The following DHX8 variants were observed in gnomAD, a reference collection of about 807,000 sequenced individuals.
The protein encoded by DHX8 is ATP-dependent RNA helicase DHX8.
DHX8 carries 67 observed loss-of-function variants against 140.7 expected under a neutral mutation model. The ratio of observed to expected loss-of-function variants is 0.48; its 90% CI spans 0.39 to 0.58. DHX8 has a LOEUF of 0.58. Among genes scored for constraint, DHX8 ranks in the 20% least tolerant of loss-of-function variants. The pLI is 0.00. For missense variants in DHX8, 887 were observed against 1,550.7 expected (o/e 0.57, Z 7.19); for synonymous variants, 533 against 553.2 (o/e 0.96, Z 0.51).
At chr17:43,528,065 G>T (rs143919906), downstream of DHX8, 2,241 of 235,188 alleles carry the variant, frequency 9.5e-3, 14 homozygotes, top group Middle Eastern at 0.027. Flanking sequence ...GACAAACCGG[G>T]ACCCTCCAGG....
At chr17:43,489,330 G>C (rs922334032) in intron 1 of DHX8, 119 bp from the exon 2 acceptor site, 1 of 684,100 alleles carries the variant, frequency 1.5e-6, no homozygotes. Flanking sequence ...ACCCTTACCA[G>C]ATGGTGGTCT....
chr17:43,516,691 T>C (rs1970130376), intron 17 of DHX8, among the ~76,000 whole-genome samples: 1 of 152,076 alleles, frequency 6.6e-6, no homozygotes, highest in African/African-American at 2.4e-5. Flanking sequence ...TCATGCAATC[T>C]GCCCACCTTG....
chr17:43,494,892 A>G (rs1486589851), intron 8 of DHX8, among the ~76,000 whole-genome samples: 1 of 146,960 alleles, frequency 6.8e-6, no homozygotes, highest in East Asian at 2.1e-4. Flanking sequence ...GCTCACTGCA[A>G]CCTCTGCCTC....
intron 11 of DHX8, 23 bp from the exon 12 acceptor site, chr17:43,504,621 A>C: frequency 6.3e-7 from 1 of 1,599,992 alleles, no homozygotes; most frequent in East Asian, 2.3e-5. Context: ...GGACAATACT[A>C]AGTTGCCTGT....
chr17:43,499,131 T>C (rs932682957), intron 10 of DHX8, among the ~76,000 whole-genome samples, 172 bp downstream of exon 10: 1 of 152,370 alleles, frequency 6.6e-6, no homozygotes, highest in East Asian at 1.9e-4. Flanking sequence ...GTTGGCTTTA[T>C]TGCTTTTGCC....
chr17:43,489,857 T>G (rs1453584091), intron 2 of DHX8, among the ~76,000 whole-genome samples: 1 of 152,240 alleles, frequency 6.6e-6, no homozygotes, highest in Non-Finnish European at 1.5e-5. Flanking sequence ...TCCAAAGTGC[T>G]GGGATTACAT....
At chr17:43,516,517 T>A (rs1216191357) in intron 17 of DHX8, among the ~76,000 whole-genome samples, 3 of 152,150 alleles carry the variant, frequency 2.0e-5, no homozygotes, top group Admixed American at 6.6e-5. Flanking sequence ...TGATTACGGC[T>A]TACTGCAGCC....
chr17:43,503,906 A>G (rs1410286547), intron 11 of DHX8, among the ~76,000 whole-genome samples: 1 of 151,918 alleles, frequency 6.6e-6, no homozygotes, highest in Non-Finnish European at 1.5e-5. Flanking sequence ...CACTGAGTTA[A>G]ACACTTAAAA....
chr17:43,499,193 G>C (rs1451766432), intron 10 of DHX8, among the ~76,000 whole-genome samples: 1 of 152,194 alleles, frequency 6.6e-6, no homozygotes, highest in Non-Finnish European at 1.5e-5. Flanking sequence ...AGCAGAGATA[G>C]ATAGGAATGC....
Position 43,520,755 on chromosome 17 carries a change from C to T in DHX8, c.2942C>T (p.Ala981Val). 6.2e-7 allele frequency: 1 copy of T among 1,614,012 alleles called. No homozygotes were observed. The highest frequency in any genetic ancestry group is 8.5e-7 in the Non-Finnish European group (1 of 1,179,966). ...GLLTRLGRRM[A>V]EFPLEPMLCK... is the part of the protein sequence containing the mutation. Reference sequence around the variant, plus strand: ...AGTCTTTTTTTGTCCCTCTAGATGGCAGAGTTCCCTCTGGAGCCAATGCTA... The same window carrying T: ...AGTCTTTTTTTGTCCCTCTAGATGGTAGAGTTCCCTCTGGAGCCAATGCTA... Residue 981 changes from alanine to valine, a missense_variant, in exon 20 of 23, where the codon GCA becomes GTA. Around this residue, in one of 9 missense-constraint regions of DHX8, gnomAD observed 151 missense variants for 388.3 expected, o/e 0.39. Transcript: ENST00000262415.
intron 10 of DHX8, 46 bp downstream of exon 10, chr17:43,499,005 T>C: frequency 6.9e-7 from 1 of 1,452,614 alleles, no homozygotes; most frequent in Non-Finnish European, 9.4e-7. Context: ...AGTGGACTTC[T>C]TTTTCTAAAG....
At chr17:43,526,922 T>A, downstream of DHX8, 1 of 256,626 alleles carries the variant, frequency 3.9e-6, no homozygotes, top group Non-Finnish European at 7.6e-6. Context: ...CAAGGGATGG[T>A]CTCAGGTTGG....
At chr17:43,531,089 T>C (rs886369947), downstream of DHX8, among the ~76,000 whole-genome samples, 1 of 152,176 alleles carries the variant, frequency 6.6e-6, no homozygotes, top group African/African-American at 2.4e-5. Context: ...GCTTATGCCC[T>C]GGATTTGAGG....
chr17:43,532,650 C>T (rs760544272), intron 2 of DHX8: 1 of 1,599,578 alleles, frequency 6.3e-7, no homozygotes, highest in Non-Finnish European at 8.5e-7. Context: ...TCACATGCCA[C>T]CCTGCCCCAC....
chr17:43,533,209 G>T lies in DHX8; in HGVS notation c.351-3203G>T, dbSNP rs35270564. 2,630 of 1,613,402 alleles carry T rather than the reference G, an allele frequency of 1.6e-3. 7 individuals are homozygous for T. The highest frequency in any genetic ancestry group is 2.0e-3 in the Non-Finnish European group (2,324 of 1,179,808). On this transcript the variant is annotated intron_variant, in intron 2 of 3. Coordinates refer to the DHX8 transcript ENST00000589898. ...TACCTATGTTCCCCGAGGTACCCAT[G>T]GCCAGGGTGGGGCTGGGAGGTGCCA...
At chr17:43,529,091 G>A (rs1203471936), downstream of DHX8, 1 of 1,582,758 alleles carries the variant, frequency 6.3e-7, no homozygotes. Context: ...GCTTCTCACA[G>A]CCACTGCCCC....
In DHX8 at chr17:43,505,093, A is replaced by G. The variant is rs1969414201; in HGVS notation, c.1728+268A>G. On this transcript the variant is annotated intron_variant, in intron 12 of 22. Coordinates refer to ENST00000262415, the MANE Select transcript of DHX8 (RefSeq NM_004941.3). Reference sequence around the variant, plus strand: ...GAGTTTGAAACCAGCCTGAGGCAACATAGGGAATCTTGTCTCTACAAAAAA... The same window carrying G: ...GAGTTTGAAACCAGCCTGAGGCAACGTAGGGAATCTTGTCTCTACAAAAAA... Among the ~76,000 whole-genome samples, 1 of 152,082 alleles carries G rather than the reference A, an allele frequency of 6.6e-6. No individual in the cohort carries two copies. Among genetic ancestry groups the G allele is most frequent in the Non-Finnish European group, 1.5e-5 (1 of 68,002 alleles).
At chr17:43,530,609 CGTGTGTGT>C (rs58803566), downstream of DHX8, among the ~76,000 whole-genome samples, 31,913 of 119,022 alleles carry the variant, frequency 0.27, 3,766 homozygotes, top group East Asian at 0.37. Context: ...TGCACGCGCG[CGTGTGTGT>C]GTGTGTGTGT....
intron 2 of DHX8, chr17:43,533,760 A>G (rs2154587123): frequency 6.8e-7 from 1 of 1,461,130 alleles, no homozygotes; most frequent in Non-Finnish European, 9.2e-7. Context: ...TCTGTTGTCT[A>G]ACTTGCATCT....
Sources: allele counts gnomAD v4.1 joint callset (sites outside exome capture counted in the v4.1 genomes callset), GRCh38; gene constraint gnomAD v4.1.1; regional missense constraint gnomAD v4.1.1; transcripts MANE v1.5; gene names NCBI Gene and HGNC (gene_info 2026-07-23, HGNC 2026-07-21).